TLK1: variants seen among roughly 807,000 people sequenced by gnomAD.
TLK1 encodes serine/threonine-protein kinase tousled-like 1.
In TLK1, 24 loss-of-function variants were observed where a neutral mutation model predicts 105.3. The ratio of observed to expected loss-of-function variants is 0.23; its 90% CI spans 0.17 to 0.32. The LOEUF is 0.32. TLK1 is among the 10% of genes least tolerant of loss of function. The pLI is 1.00. For missense variants in TLK1, 558 were observed against 910.5 expected (o/e 0.61, Z 4.98); for synonymous variants, 321 against 310.4 (o/e 1.03, Z -0.36).
chr2:171,071,769 T>G (rs145819699), intron 3 of TLK1, among the ~76,000 whole-genome samples: 1 of 152,226 alleles, frequency 6.6e-6, no homozygotes, highest in Non-Finnish European at 1.5e-5. Flanking sequence ...TGGTGAGAGA[T>G]AGGGGATCTA....
intron 2 of TLK1, among the ~76,000 whole-genome samples, chr2:171,086,717 G>C (rs1688996114): frequency 6.6e-6 from 1 of 151,966 alleles, no homozygotes; most frequent in Non-Finnish European, 1.5e-5. Context: ...TACAGCTTTT[G>C]CTGAGGGGAA....
chr2:171,201,348 T>G (rs1693394927), intron 1 of TLK1, among the ~76,000 whole-genome samples: 1 of 152,240 alleles, frequency 6.6e-6, no homozygotes, highest in African/African-American at 2.4e-5. Flanking sequence ...ACTTAATATT[T>G]TGTCATCAAT....
chr2:171,066,765 C>T lies in TLK1; in HGVS notation c.331-5609G>A. 3.4e-6 allele frequency: 5 copies of T among 1,462,124 alleles called. No homozygotes were observed. The South Asian group carries it at 5.1e-5, about 15-fold the overall frequency. 90.6% of individuals were successfully genotyped at this position (1,462,124 alleles called of 1,614,324 possible). A position where few individuals can be genotyped will look rare whatever the true frequency, so the allele number is the denominator to read the frequency against. ...GGCACTTTCCCTTCTCTGGCTATCC[C>T]TTTAAGGCTTTATTTGTTAAACAGT... On this transcript the variant is annotated intron_variant, in intron 3 of 20. Transcript: ENST00000431350.
chr2:171,063,556 T>C (rs1269894965), intron 3 of TLK1, among the ~76,000 whole-genome samples: 1 of 151,972 alleles, frequency 6.6e-6, no homozygotes, highest in Non-Finnish European at 1.5e-5. Context: ...CAGGCAAAAA[T>C]AGGGGGGAAA....
intron 14 of TLK1, among the ~76,000 whole-genome samples, chr2:171,008,712 C>T (rs1161781457): frequency 2.6e-5 from 4 of 152,056 alleles, no homozygotes; most frequent in African/African-American, 9.7e-5. Flanking sequence ...AACTGGCAAT[C>T]ATGAAAGGGC....
At chr2:171,162,591 A>T (rs904190016), upstream of TLK1, among the ~76,000 whole-genome samples, 1 of 152,182 alleles carries the variant, frequency 6.6e-6, no homozygotes, top group African/African-American at 2.4e-5. Flanking sequence ...TTTGATGTGT[A>T]TACCTCCCTG....
chr2:171,129,915 T>C (rs187711300), intron 1 of TLK1, among the ~76,000 whole-genome samples: 2 of 151,492 alleles, frequency 1.3e-5, no homozygotes, highest in Admixed American at 6.6e-5. Flanking sequence ...TTCTAAATAT[T>C]CATACAGTGA....
intron 1 of TLK1, chr2:171,159,527 AC>A (rs1328612703): frequency 6.6e-6 from 1 of 152,186 alleles, no homozygotes; most frequent in Non-Finnish European, 1.5e-5. Context: ...GTTTGCAATA[AC>A]CTTTACGCAG....
chr2:171,219,048 C>A (rs1362901790), intron 1 of TLK1, among the ~76,000 whole-genome samples: 4 of 152,108 alleles, frequency 2.6e-5, no homozygotes, highest in African/African-American at 7.2e-5. Flanking sequence ...ATGATAGATT[C>A]AAATCCAGGA....
chr2:171,209,110 T>A (rs1485062644), intron 1 of TLK1, among the ~76,000 whole-genome samples: 1 of 152,200 alleles, frequency 6.6e-6, no homozygotes. Context: ...ATGTTGCTTT[T>A]TAGAAAAAGT....
intron 18 of TLK1, among the ~76,000 whole-genome samples, chr2:170,998,978 C>T (rs1307284680): frequency 6.6e-6 from 1 of 152,142 alleles, no homozygotes; most frequent in African/African-American, 2.4e-5. Flanking sequence ...GTTGACCAAG[C>T]TGGTCTCGAA....
At chr2:171,009,577 G>C (rs926177187) in intron 14 of TLK1, among the ~76,000 whole-genome samples, 1 of 152,050 alleles carries the variant, frequency 6.6e-6, no homozygotes, top group African/African-American at 2.4e-5. Flanking sequence ...CAAGTGCTAG[G>C]ATTACAGGTG....
At chr2:171,104,081 G>C (rs1689811628) in intron 2 of TLK1, among the ~76,000 whole-genome samples, 1 of 152,158 alleles carries the variant, frequency 6.6e-6, no homozygotes, top group African/African-American at 2.4e-5. Flanking sequence ...TTTGAGACCA[G>C]CCTGGCCAGC....
intron 2 of TLK1, among the ~76,000 whole-genome samples, chr2:171,114,205 GA>G (rs1052096890): frequency 6.6e-6 from 1 of 151,918 alleles, no homozygotes; most frequent in East Asian, 1.9e-4. Context: ...AAAAATCAAA[GA>G]AAAAAATGAA....
intron 2 of TLK1, among the ~76,000 whole-genome samples, chr2:171,091,430 G>A (rs867535645): frequency 6.6e-6 from 1 of 152,112 alleles, no homozygotes. Flanking sequence ...TTATGATTCA[G>A]AACACAGTAA....
chr2:171,122,793 C>T (rs1416196489), intron 1 of TLK1, among the ~76,000 whole-genome samples: 2 of 152,002 alleles, frequency 1.3e-5, no homozygotes, highest in East Asian at 1.9e-4. Context: ...AATCCCAGCA[C>T]GTTGGGAGAC....
rs114686806 is a variant in TLK1, at chr2:171,175,096, G to A, written c.-6+56049C>T. On this transcript the variant is annotated intron_variant, in intron 1 of 20. Coordinates refer to the TLK1 transcript ENST00000521943. ...AATGGATAAAATCAGCCCCAGGTGC[G>A]GTGGTGCAAGCCTGTAGTCCCATCT... is the stretch of plus-strand genomic sequence containing the variant. Among the ~76,000 whole-genome samples, 558 of 152,102 alleles carry A rather than the reference G, an allele frequency of 3.7e-3. 6 individuals are homozygous for A. Among genetic ancestry groups the A allele is most frequent in the African/African-American group, 0.012 (516 of 41,470 alleles).
chr2:171,079,622 T>A (rs1052607537), intron 3 of TLK1, among the ~76,000 whole-genome samples: 2 of 152,206 alleles, frequency 1.3e-5, no homozygotes, highest in African/African-American at 4.8e-5. Flanking sequence ...TTACCTACCA[T>A]CTTCTTTTAT....
chr2:171,070,058 C>G (rs983561104), intron 3 of TLK1, among the ~76,000 whole-genome samples: 2 of 152,000 alleles, frequency 1.3e-5, no homozygotes, highest in African/African-American at 2.4e-5. Context: ...TTACTGAGCA[C>G]CTATTATGGT....
Sources: allele counts gnomAD v4.1 joint callset (sites outside exome capture counted in the v4.1 genomes callset), GRCh38; gene constraint gnomAD v4.1.1; transcripts MANE v1.5; gene names NCBI Gene and HGNC (gene_info 2026-07-23, HGNC 2026-07-21).